Variants in SF3B3 observed in about 807,000 individuals in gnomAD.
The protein encoded by SF3B3 is SAP 130.
Under a neutral mutation model 139.2 loss-of-function variants are expected in SF3B3, and 33 were observed. The ratio of observed to expected loss-of-function variants is 0.24; its 90% CI spans 0.18 to 0.32. SF3B3 has a LOEUF of 0.32. SF3B3 is among the 10% of genes least tolerant of loss of function. SF3B3 has a pLI of 1.00. For missense variants in SF3B3, 818 were observed against 1,509.4 expected, an observed-to-expected ratio of 0.54 and a Z score of 7.59; for synonymous variants, 596 against 563.6, an observed-to-expected ratio of 1.06 and a Z score of -0.81.
At chr16:70,549,150 T>C (rs112966442) in intron 11 of SF3B3, among the ~76,000 whole-genome samples, 6 of 152,260 alleles carry the variant, frequency 3.9e-5, no homozygotes, top group African/African-American at 1.4e-4. Flanking sequence ...CGTTTTTCTC[T>C]TGTTCTCTCA....
intron 13 of SF3B3, 48 bp downstream of exon 13, chr16:70,555,254 G>A (rs758425367): frequency 9.9e-6 from 15 of 1,510,774 alleles, no homozygotes; most frequent in Non-Finnish European, 1.3e-5. Flanking sequence ...GGGACCAGAG[G>A]GAAAGATGGG....
Position 70,568,209 on chromosome 16 carries a change from G to A in SF3B3, c.2953-74G>A, listed in dbSNP as rs188037392. 2,035 of 1,146,888 alleles carry A rather than the reference G, an allele frequency of 1.8e-3. 5 individuals carry two copies. The highest frequency in any genetic ancestry group is 2.3e-3 in the Non-Finnish European group (1,783 of 759,762). 71.0% of individuals were successfully genotyped at this position (1,146,888 alleles called of 1,614,324 possible). On this transcript the variant is annotated intron_variant, in intron 21 of 25. Transcript: ENST00000302516. ...TCTGCTGACCCTACGTATGTCATAC[G>A]GAAAGCTGGGCTTTCTTTGGGTTCT...
At chr16:70,537,141 G>A (rs2050176689) in intron 6 of SF3B3, among the ~76,000 whole-genome samples, 1 of 152,106 alleles carries the variant, frequency 6.6e-6, no homozygotes, top group Non-Finnish European at 1.5e-5. Flanking sequence ...CCCATAGTTT[G>A]TTTCCTCATG....
At chr16:70,570,495 T>C (rs1384486124) in intron 24 of SF3B3, among the ~76,000 whole-genome samples, 1 of 151,760 alleles carries the variant, frequency 6.6e-6, no homozygotes, top group East Asian at 1.9e-4. Context: ...CATGCCCGGC[T>C]AATTTTTTGT....
At chr16:70,539,709 G>C (rs112119952) in intron 8 of SF3B3, among the ~76,000 whole-genome samples, 5 of 151,908 alleles carry the variant, frequency 3.3e-5, no homozygotes, top group African/African-American at 1.2e-4. Context: ...TACCTCTGTA[G>C]GTATCTCCAG....
rs934606560 is a variant in SF3B3, at chr16:70,575,254, A to C, written c.*3441A>C. ...TACTCTGTTGCCCAGGCTAGAGTAC[A>C]GAGGCACAATCTCGGCTCACCACAG... On this transcript the variant is annotated 3_prime_UTR_variant, in exon 26 of 26. Coordinates refer to ENST00000302516, the MANE Select transcript of SF3B3 (RefSeq NM_012426.5). 3.6e-5 allele frequency: 5 copies of C among 138,328 alleles called. No homozygotes were observed. Among genetic ancestry groups the C allele is most frequent in the African/African-American group, 1.4e-4 (5 of 36,084 alleles). 8.6% of individuals were successfully genotyped at this position (138,328 alleles called of 1,614,324 possible). A position where few individuals can be genotyped will look rare whatever the true frequency, so the allele number is the denominator to read the frequency against.
At chr16:70,569,858 C>G (rs2050511625) in intron 23 of SF3B3, 148 bp from the exon 24 acceptor site, 1 of 838,542 alleles carries the variant, frequency 1.2e-6, no homozygotes, top group Non-Finnish European at 1.8e-6. Context: ...AAATCCTGGG[C>G]TCAAGCAATC....
chr16:70,556,362 C>T, intron 14 of SF3B3, 28 bp downstream of exon 14: 1 of 1,613,598 alleles, frequency 6.2e-7, no homozygotes, highest in Admixed American at 1.7e-5. Flanking sequence ...CTTCAAGGAT[C>T]ATCTGGTTGG....
intron 12 of SF3B3, among the ~76,000 whole-genome samples, 175 bp downstream of exon 12, chr16:70,554,772 A>G (rs1435755434): frequency 6.6e-6 from 1 of 152,212 alleles, no homozygotes; most frequent in African/African-American, 2.4e-5. Context: ...TTTTTCTGTT[A>G]CAGAGCCACA....
At chr16:70,548,315 C>A in intron 10 of SF3B3, 55 bp from the exon 11 acceptor site, 1 of 1,378,126 alleles carries the variant, frequency 7.3e-7, no homozygotes, top group Non-Finnish European at 1.0e-6. Context: ...TGATTGTAAG[C>A]AGGTAGCTGA....
At chr16:70,570,678 G>T (rs185794077) in intron 24 of SF3B3, among the ~76,000 whole-genome samples, 16 of 152,288 alleles carry the variant, frequency 1.1e-4, no homozygotes, top group African/African-American at 3.6e-4. Flanking sequence ...AGTCTGATGC[G>T]AGTTTACAAG....
intron 17 of SF3B3, among the ~76,000 whole-genome samples, chr16:70,562,915 A>G (rs1373790418): frequency 2.6e-5 from 4 of 152,026 alleles, no homozygotes; most frequent in African/African-American, 4.8e-5. Flanking sequence ...TGCAGCCCCA[A>G]CTTCCTGGGC....
At chr16:70,529,250 C>A in intron 3 of SF3B3, 51 bp downstream of exon 3, 3 of 1,469,764 alleles carry the variant, frequency 2.0e-6, no homozygotes, top group Non-Finnish European at 2.8e-6. Flanking sequence ...GATAACAATG[C>A]TGTGCTCTTG....
intron 15 of SF3B3, among the ~76,000 whole-genome samples, chr16:70,559,921 CG>C (rs60485428): frequency 0.44 from 65,885 of 151,050 alleles, 14,503 homozygotes; most frequent in South Asian, 0.65. Flanking sequence ...TTGAGGGGTG[CG>C]GGGGGGTGGT....
At chr16:70,570,476 G>A (rs565137308) in intron 24 of SF3B3, among the ~76,000 whole-genome samples, 7 of 151,788 alleles carry the variant, frequency 4.6e-5, no homozygotes, top group Admixed American at 2.0e-4. Flanking sequence ...GAATACAGGC[G>A]CCCGCCACCA....
rs551383737 is a variant in SF3B3, at chr16:70,574,033, G to A, written c.*2220G>A. The A allele has an allele frequency of 4.6e-5, 7 of 152,290 alleles. No individual in the cohort carries two copies. Among genetic ancestry groups the A allele is most frequent in the Non-Finnish European group, 8.8e-5 (6 of 68,030 alleles). The allele number at this position is 152,290 out of a possible 1,614,324, so 9.4% of individuals were successfully genotyped here. ...CAGCTGCCGGCGCTGGAAAAGGCTC[G>A]TCTCACAGGGAGAGTGCTGGTCCCC... On this transcript the variant is annotated 3_prime_UTR_variant, in exon 26 of 26. Coordinates refer to ENST00000302516, the MANE Select transcript of SF3B3 (RefSeq NM_012426.5).
Position 70,564,177 on chromosome 16 carries a change from C to G in SF3B3, c.2463+127C>G, listed in dbSNP as rs1476249715. 4.4e-6 allele frequency: 4 copies of G among 906,548 alleles called. No individual in the cohort carries two copies. In the African/African-American group the frequency reaches 6.7e-5, roughly 15 times the overall value. The allele number at this position is 906,548 out of a possible 1,614,324, so 56.2% of individuals were successfully genotyped here. A position where few individuals can be genotyped will look rare whatever the true frequency, so the allele number is the denominator to read the frequency against. On this transcript the variant is annotated intron_variant, in intron 18 of 25. Transcript: ENST00000302516. ...CTTGAGGCCACTAGTTCGAGACCAGCCTGGGCAACATAGCAAAACTGCACC... is the reference window on the plus strand; with the variant it reads ...CTTGAGGCCACTAGTTCGAGACCAGGCTGGGCAACATAGCAAAACTGCACC...
intron 9 of SF3B3, 110 bp downstream of exon 9, chr16:70,541,944 G>A (rs2050222206): frequency 1.0e-6 from 1 of 998,700 alleles, no homozygotes; most frequent in African/African-American, 1.6e-5. Context: ...GTGTAAAGCA[G>A]TTAGAGGTAG....
At chr16:70,544,302 A>G in intron 9 of SF3B3, 136 bp from the exon 10 acceptor site, 2 of 620,088 alleles carry the variant, frequency 3.2e-6, no homozygotes, top group East Asian at 2.7e-5. Flanking sequence ...AATACAGATC[A>G]TTCACCTCTT....
Sources: gnomAD v4.1 joint callset for allele counts (sites outside exome capture counted in the v4.1 genomes callset) on GRCh38, gnomAD v4.1.1 for gene constraint, MANE v1.5 for transcripts, NCBI Gene and HGNC (gene_info 2026-07-23, HGNC 2026-07-21) for gene names.